The following UBE2L3 variants were observed in gnomAD, a reference collection of about 807,000 sequenced individuals.
UBE2L3 encodes ubiquitin conjugating enzyme E2 L3, also known as ubiquitin-conjugating enzyme E2 L3.
In UBE2L3, 1 loss-of-function variant was observed where a neutral mutation model predicts 17.8. That is an observed-to-expected ratio of 0.06 (90% CI 0.02 to 0.27). The LOEUF (loss-of-function observed/expected upper bound fraction) is 0.27, where lower values mean the gene tolerates loss of function less well. UBE2L3 is among the 10% of genes least tolerant of loss of function. The probability of loss-of-function intolerance (pLI) is 1.00; values close to 1 mark genes in which losing one functional copy is unlikely to be tolerated. For synonymous variants in UBE2L3, 44 were observed against 68.5 expected, an observed-to-expected ratio of 0.64 and a Z score of 1.76; for missense variants, 40 against 192.6, an observed-to-expected ratio of 0.21 and a Z score of 4.69.
At chr22:21,572,509 A>C (rs950152807) in intron 1 of UBE2L3, among the ~76,000 whole-genome samples, 3 of 151,976 alleles carry the variant, frequency 2.0e-5, no homozygotes, top group African/African-American at 7.2e-5. Flanking sequence ...TAAAACTCTA[A>C]ATTAGGAGAC....
intron 3 of UBE2L3, 142 bp from the exon 4 acceptor site, chr22:21,621,373 A>C: frequency 9.4e-7 from 1 of 1,064,302 alleles, no homozygotes. Flanking sequence ...ATTTTGGATA[A>C]ATAGGAGGCA....
intron 3 of UBE2L3, among the ~76,000 whole-genome samples, chr22:21,620,893 C>A (rs1439517397): frequency 6.6e-6 from 1 of 152,182 alleles, no homozygotes; most frequent in African/African-American, 2.4e-5. Flanking sequence ...GGGTGCTGGG[C>A]TGATGCAGGG....
At chr22:21,619,691 G>T (rs1929956408) in intron 3 of UBE2L3, among the ~76,000 whole-genome samples, 1 of 152,178 alleles carries the variant, frequency 6.6e-6, no homozygotes, top group Admixed American at 6.5e-5. Context: ...TCAGCATTTT[G>T]TTTTATTTAT....
chr22:21,576,185 G>A (rs948879267), intron 1 of UBE2L3, among the ~76,000 whole-genome samples: 1 of 150,518 alleles, frequency 6.6e-6, no homozygotes, highest in Non-Finnish European at 1.5e-5. Flanking sequence ...TGTGATCTTG[G>A]TTCACTGCAA....
intron 1 of UBE2L3, among the ~76,000 whole-genome samples, chr22:21,585,007 T>G (rs1388699803): frequency 6.6e-6 from 1 of 152,196 alleles, no homozygotes; most frequent in Admixed American, 6.5e-5. Context: ...CATAAGCCAC[T>G]TCGTCCAACC....
chr22:21,567,312 C>T (rs111234186), upstream of UBE2L3, among the ~76,000 whole-genome samples: 4,205 of 152,180 alleles, frequency 0.028, 204 homozygotes, highest in African/African-American at 0.095. Flanking sequence ...TACAGGCGCC[C>T]GCCACCACGC....
At chr22:21,586,990 A>G (rs996595825) in intron 1 of UBE2L3, among the ~76,000 whole-genome samples, 1 of 150,248 alleles carries the variant, frequency 6.7e-6, no homozygotes, top group Admixed American at 6.7e-5. Context: ...TGTTCAAGCA[A>G]TTCTCATGCC....
chr22:21,563,276 G>C (rs1233256895), upstream of UBE2L3, among the ~76,000 whole-genome samples: 1 of 147,446 alleles, frequency 6.8e-6, no homozygotes, highest in African/African-American at 2.5e-5. Context: ...TACTGGCCGG[G>C]TGTGGTGGCT....
chr22:21,605,652 T>C (rs887453337), intron 2 of UBE2L3, among the ~76,000 whole-genome samples: 8 of 152,102 alleles, frequency 5.3e-5, no homozygotes, highest in African/African-American at 1.7e-4. Flanking sequence ...ATTACAGGCA[T>C]GTGCCACCAC....
intron 3 of UBE2L3, among the ~76,000 whole-genome samples, chr22:21,612,976 A>G (rs1377870545): frequency 6.6e-6 from 1 of 152,098 alleles, no homozygotes; most frequent in Non-Finnish European, 1.5e-5. Flanking sequence ...GCACTGTCGA[A>G]AACCTATAGC....
chr22:21,613,680 G>A (rs1929619994), intron 3 of UBE2L3, among the ~76,000 whole-genome samples: 1 of 152,130 alleles, frequency 6.6e-6, no homozygotes, highest in Non-Finnish European at 1.5e-5. Flanking sequence ...TTTTTACTCT[G>A]GAGGTTGGCT....
chr22:21,599,885 C>T (rs1928764367), intron 2 of UBE2L3, among the ~76,000 whole-genome samples: 1 of 152,066 alleles, frequency 6.6e-6, no homozygotes, highest in African/African-American at 2.4e-5. Flanking sequence ...GTACTCATGG[C>T]TATTTGAGCC....
chr22:21,598,831 C>A (rs555223708), intron 2 of UBE2L3, among the ~76,000 whole-genome samples: 121 of 147,218 alleles, frequency 8.2e-4, no homozygotes, highest in East Asian at 2.1e-4. Flanking sequence ...ACCATGCCCC[C>A]ACCCGCCTAG....
At chr22:21,606,292 G>A (rs1238867923) in intron 2 of UBE2L3, among the ~76,000 whole-genome samples, 1 of 138,222 alleles carries the variant, frequency 7.2e-6, no homozygotes, top group Non-Finnish European at 1.6e-5. Context: ...GCAGGAAAGT[G>A]TGCGCGCGCG....
chr22:21,602,136 A>C (rs2148432432), intron 2 of UBE2L3, among the ~76,000 whole-genome samples: 1 of 152,206 alleles, frequency 6.6e-6, no homozygotes, highest in Middle Eastern at 3.4e-3. Context: ...TTGTTAGTTC[A>C]CTGGGTGAAA....
At chr22:21,608,985 C>T (rs1929328274) in intron 2 of UBE2L3, among the ~76,000 whole-genome samples, 1 of 152,004 alleles carries the variant, frequency 6.6e-6, no homozygotes. Flanking sequence ...AGCTCCGCTT[C>T]CCAGGTTCAC....
At chr22:21,563,565 A>G (rs551574596), upstream of UBE2L3, among the ~76,000 whole-genome samples, 2 of 147,316 alleles carry the variant, frequency 1.4e-5, no homozygotes, top group Non-Finnish European at 3.0e-5. Context: ...CGTCTCAAAA[A>G]AAAAAAATTA....
chr22:21,588,902 T>G (rs1752091424), intron 1 of UBE2L3, among the ~76,000 whole-genome samples: 3 of 152,016 alleles, frequency 2.0e-5, no homozygotes, highest in Non-Finnish European at 4.4e-5. Context: ...GACCTCGTGA[T>G]CTACCTGCCT....
chr22:21,616,752 CT>C (rs755178949), intron 3 of UBE2L3, among the ~76,000 whole-genome samples: 1 of 151,334 alleles, frequency 6.6e-6, no homozygotes, highest in African/African-American at 2.4e-5. Context: ...CACCCCCCCC[CT>C]TTTTTTAAAG....
Sources: gnomAD v4.1 joint callset for allele counts (sites outside exome capture counted in the v4.1 genomes callset) on GRCh38, gnomAD v4.1.1 for gene constraint, MANE v1.5 for transcripts, NCBI Gene and HGNC (gene_info 2026-07-23, HGNC 2026-07-21) for gene names.